The following CD46 variants were observed in gnomAD, a reference collection of about 807,000 sequenced individuals.
CD46 encodes CD46 molecule, also known as membrane cofactor protein.
In CD46, 30 loss-of-function variants were observed where a neutral mutation model predicts 53.3. The observed-to-expected ratio is 0.56, with a 90% CI of 0.42 to 0.76. CD46 has a LOEUF of 0.76. Ranked by LOEUF, CD46 falls within the 30% of genes least tolerant of loss-of-function variation. CD46 has a pLI of 0.00. For missense variants in CD46, 409 were observed against 463.0 expected (o/e 0.88, Z 1.07); for synonymous variants, 142 against 152.0 (o/e 0.93, Z 0.48).
chr1:207,771,091 A>G (rs1003255528), intron 8 of CD46, among the ~76,000 whole-genome samples: 16 of 152,182 alleles, frequency 1.1e-4, no homozygotes, highest in African/African-American at 3.6e-4. Flanking sequence ...ATAATCGCCA[A>G]TCTAACTGGC....
At chr1:207,766,716 A>G (rs1037036702) in intron 5 of CD46, among the ~76,000 whole-genome samples, 24 of 152,130 alleles carry the variant, frequency 1.6e-4, no homozygotes, top group African/African-American at 5.8e-4. Context: ...GAAAACAACA[A>G]AAACCCGTAT....
At position 207,752,211 on chromosome 1, in the gene CD46, G is replaced by T. The variant is rs757460306; in HGVS notation, c.-2G>T. On this transcript the variant is annotated 5_prime_UTR_variant, in exon 1 of 13. Transcript: ENST00000367042. The surrounding 1 kb of genome is among the most constrained non-coding windows in gnomAD (Gnocchi z 4.1). ...GAAATAACAGCGTCTTCCGCGCCGC[G>T]CATGGAGCCTCCCGGCCGCCGCGAG... 4 of 1,613,474 alleles carry T rather than the reference G, an allele frequency of 2.5e-6. No individual in the cohort carries two copies. The South Asian group carries it at 4.4e-5, about 18-fold the overall frequency.
chr1:207,752,186 G>T lies in CD46; in HGVS notation c.-27G>T. The T allele has an allele frequency of 6.2e-7, 1 of 1,608,066 alleles. No individual in the cohort carries two copies. Among genetic ancestry groups the T allele is most frequent in the Non-Finnish European group, 8.5e-7 (1 of 1,176,146 alleles). ...CTCGGTTTCTCTGCTTTCCTCCGGA[G>T]AAATAACAGCGTCTTCCGCGCCGCG... On this transcript the variant is annotated 5_prime_UTR_variant, in exon 1 of 13. Coordinates refer to ENST00000367042, the MANE Select transcript of CD46 (RefSeq NM_172351.3). The surrounding 1 kb of genome is among the most constrained non-coding windows in gnomAD (Gnocchi z 4.1).
chr1:207,793,477 T>G (rs1423738168), intron 12 of CD46, 42 bp from the exon 13 acceptor site: 1 of 1,450,500 alleles, frequency 6.9e-7, no homozygotes, highest in East Asian at 2.3e-5. Flanking sequence ...CTGTACTTAA[T>G]TATATTTATC....
intron 8 of CD46, among the ~76,000 whole-genome samples, chr1:207,773,373 G>C (rs904239856): frequency 1.3e-5 from 2 of 152,126 alleles, no homozygotes; most frequent in Non-Finnish European, 2.9e-5. Context: ...TTTTTGAAGG[G>C]TTTTTTATAT....
At chr1:207,753,388 G>A (rs552281543) in intron 1 of CD46, among the ~76,000 whole-genome samples, 147 of 152,324 alleles carry the variant, frequency 9.7e-4, no homozygotes, top group African/African-American at 3.3e-3. Context: ...ATGCATGCTA[G>A]GCCAGGCGCA....
chr1:207,755,968 T>C (rs189828279), intron 1 of CD46, among the ~76,000 whole-genome samples: 15 of 152,302 alleles, frequency 9.8e-5, no homozygotes, highest in Non-Finnish European at 1.2e-4. Context: ...TGAATGGAGT[T>C]GGCCTTGTTA....
intron 5 of CD46, among the ~76,000 whole-genome samples, chr1:207,764,726 T>G (rs76192412): frequency 2.0e-5 from 3 of 152,314 alleles, no homozygotes; most frequent in Non-Finnish European, 4.4e-5. Flanking sequence ...AATGGACAGA[T>G]TCCTTGAAAG....
intron 11 of CD46, among the ~76,000 whole-genome samples, chr1:207,787,690 G>A (rs1402856477): frequency 6.6e-6 from 1 of 152,164 alleles, no homozygotes; most frequent in East Asian, 1.9e-4. Flanking sequence ...TAAACTGCGT[G>A]GGAATCTTTT....
intron 2 of CD46, 98 bp downstream of exon 2, chr1:207,757,300 G>T (rs1302749653): frequency 1.7e-5 from 19 of 1,124,598 alleles, no homozygotes; most frequent in Admixed American, 6.9e-5. Context: ...TTTTCTTCTT[G>T]TAAAATGAGG....
intron 10 of CD46, 103 bp from the exon 11 acceptor site, chr1:207,785,516 T>C: frequency 2.3e-6 from 2 of 860,724 alleles, no homozygotes; most frequent in South Asian, 2.7e-5. Context: ...TAAATAACAT[T>C]TGACCACTGA....
At chr1:207,792,313 A>G (rs1659869280) in intron 12 of CD46, among the ~76,000 whole-genome samples, 1 of 152,164 alleles carries the variant, frequency 6.6e-6, no homozygotes, top group Admixed American at 6.5e-5. Context: ...AAAGAAAAAT[A>G]TAGTGGTCTT....
chr1:207,770,271 T>TG, intron 7 of CD46, 50 bp from the exon 8 acceptor site: 1 of 1,292,356 alleles, frequency 7.7e-7, no homozygotes, highest in Non-Finnish European at 1.1e-6. Flanking sequence ...GTCATAATTT[T>TG]ATATTGATAA....
At chr1:207,790,455 A>G (rs545458804) in intron 12 of CD46, 110 bp downstream of exon 12, 8 of 653,066 alleles carry the variant, frequency 1.2e-5, no homozygotes, top group Non-Finnish European at 2.2e-5. Flanking sequence ...TAAATATCAA[A>G]GAGGAAATTT....
At chr1:207,790,176 C>A in intron 11 of CD46, 77 bp from the exon 12 acceptor site, 2 of 797,470 alleles carry the variant, frequency 2.5e-6, no homozygotes, top group South Asian at 1.3e-5. Context: ...TGGATTTTAT[C>A]CCACTTGTTA....
chr1:207,793,529 G>A lies in CD46; in HGVS notation c.*52G>A, dbSNP rs373138507. The A allele has an allele frequency of 4.3e-5, 69 of 1,613,228 alleles. No individual in the cohort carries two copies. Among genetic ancestry groups the A allele is most frequent in the Non-Finnish European group, 5.4e-5 (64 of 1,179,288 alleles). Reference sequence around the variant, plus strand: ...TACCTTGGTTTGCAGGAAAGCAGATGGTGGAGCTGAATATGCCACTTACCA... The same window carrying A: ...TACCTTGGTTTGCAGGAAAGCAGATAGTGGAGCTGAATATGCCACTTACCA... On this transcript the variant is annotated 3_prime_UTR_variant, in exon 13 of 13. Coordinates refer to ENST00000367042, the MANE Select transcript of CD46 (RefSeq NM_172351.3).
rs138502920 is a variant in CD46, at chr1:207,790,281, G to T, written c.1111G>T (p.Glu371Ter). The T allele has an allele frequency of 1.3e-6, 2 of 1,597,808 alleles. No individual in the cohort carries two copies. The highest frequency in any genetic ancestry group is 1.3e-5 in the African/African-American group (1 of 74,600). ...ATACCTAACTGATGAGACCCACAGA[G>T]AAGTAAAATTTACTTCTCTCTGAGA... The part of the protein sequence containing the change: ...GTYLTDETHR[E>*]VKFTSL Residue 371 changes from glutamate to a stop codon, truncating the protein, a stop_gained, in exon 12 of 13, where the codon GAA becomes TAA. Coordinates refer to ENST00000367042, the MANE Select transcript of CD46 (RefSeq NM_172351.3). LOFTEE classifies it high-confidence loss of function.
rs1469314745 is a variant in CD46 at position 207,752,172 on chromosome 1, T to C, written c.-41T>C. 8.2e-6 allele frequency: 13 copies of C among 1,591,088 alleles called. No individual in the cohort carries two copies. The highest frequency in any genetic ancestry group is 1.7e-5 in the Admixed American group (1 of 59,986). ...CTGCTCGGCTGGCTCTCGGTTTCTC[T>C]GCTTTCCTCCGGAGAAATAACAGCG... On this transcript the variant is annotated 5_prime_UTR_variant, in exon 1 of 13. Transcript: ENST00000367042. This position sits in a 1 kb window ranked among gnomAD's most constrained non-coding sequence, Gnocchi z 4.1.
intron 11 of CD46, 95 bp downstream of exon 11, chr1:207,785,777 C>CT: frequency 1.2e-5 from 8 of 676,336 alleles, no homozygotes; most frequent in African/African-American, 7.4e-5. Flanking sequence ...TGCATGCTAT[C>CT]TTTTTTTTTT....
Sources: gnomAD v4.1 joint callset for allele counts (sites outside exome capture counted in the v4.1 genomes callset) on GRCh38, gnomAD v4.1.1 for gene constraint, Gnocchi (gnomAD v3.1) non-coding constraint, MANE v1.5 for transcripts, NCBI Gene and HGNC (gene_info 2026-07-23, HGNC 2026-07-21) for gene names.